PCDH7: variants seen among roughly 807,000 people sequenced by gnomAD.
PCDH7 encodes protocadherin-7.
In PCDH7, 17 loss-of-function variants were observed where a neutral mutation model predicts 58.9. That is an observed-to-expected ratio of 0.29 (90% CI 0.20 to 0.43). PCDH7 has a LOEUF of 0.43. Ranked by LOEUF, PCDH7 falls within the 20% of genes least tolerant of loss-of-function variation. The pLI is 1.00. For missense variants in PCDH7, 1,274 were observed against 1,441.0 expected, an observed-to-expected ratio of 0.88 and a Z score of 1.88; for synonymous variants, 664 against 616.4, an observed-to-expected ratio of 1.08 and a Z score of -1.14.
rs1020354865 is a variant in PCDH7, at chr4:30,947,380, A to G, written c.288-2740A>G. ...CATCTACTACTTATTTTTATAAATC[A>G]TAGGGATCATTTTCCCTTTGTTATT... On this transcript the variant is annotated intron_variant, in intron 2 of 3. Coordinates refer to the PCDH7 transcript ENST00000509759. 3.3e-5 allele frequency among the ~76,000 whole-genome samples: 5 copies of G among 152,264 alleles called. No homozygotes were observed. In the South Asian group the frequency reaches 6.2e-4, roughly 19 times the overall value.
intron 3 of PCDH7, among the ~76,000 whole-genome samples, chr4:31,128,090 T>C (rs539234046): frequency 7.6e-5 from 11 of 145,578 alleles, no homozygotes; most frequent in African/African-American, 1.9e-4. Context: ...TATATGCATA[T>C]ATATGTATAT....
At chr4:30,758,380 AC>A (rs1303092302) in intron 1 of PCDH7, among the ~76,000 whole-genome samples, 2 of 152,142 alleles carry the variant, frequency 1.3e-5, no homozygotes, top group Non-Finnish European at 2.9e-5. Context: ...GCATGGTTTT[AC>A]CCTAAGTGTC....
At chr4:30,820,984 T>G (rs1396130094) in intron 1 of PCDH7, among the ~76,000 whole-genome samples, 4 of 152,202 alleles carry the variant, frequency 2.6e-5, no homozygotes, top group African/African-American at 9.6e-5. Flanking sequence ...CACTAATGGC[T>G]TAAATATTGA....
chr4:30,914,270 T>C (rs548763071), intron 1 of PCDH7, among the ~76,000 whole-genome samples: 28 of 152,336 alleles, frequency 1.8e-4, no homozygotes, highest in African/African-American at 6.7e-4. Context: ...GTACGTACAA[T>C]GCTGCAGGAA....
intron 3 of PCDH7, among the ~76,000 whole-genome samples, chr4:31,056,559 G>C (rs1016341790): frequency 1.4e-5 from 2 of 148,034 alleles, no homozygotes; most frequent in African/African-American, 5.0e-5. Context: ...AGAGAGAGAG[G>C]AAGGGAAGGG....
chr4:31,121,186 T>A (rs1432180590), intron 3 of PCDH7, among the ~76,000 whole-genome samples: 1 of 152,190 alleles, frequency 6.6e-6, no homozygotes, highest in Non-Finnish European at 1.5e-5. Flanking sequence ...CATTTTTACA[T>A]CCAGGTGCTG....
chr4:30,816,819 A>G (rs1727737582), intron 1 of PCDH7, among the ~76,000 whole-genome samples: 1 of 152,158 alleles, frequency 6.6e-6, no homozygotes, highest in Non-Finnish European at 1.5e-5. Flanking sequence ...TGGGATATTT[A>G]TCAGAAAGAA....
At chr4:30,885,334 C>T (rs1188173664) in intron 1 of PCDH7, among the ~76,000 whole-genome samples, 1 of 152,098 alleles carries the variant, frequency 6.6e-6, no homozygotes, top group African/African-American at 2.4e-5. Context: ...TCAGAAGAGT[C>T]TCTGAAACTG....
chr4:30,872,161 T>C (rs1185441683), intron 1 of PCDH7, among the ~76,000 whole-genome samples: 1 of 152,094 alleles, frequency 6.6e-6, no homozygotes, highest in Non-Finnish European at 1.5e-5. Flanking sequence ...GTTTTTTAAG[T>C]TCCTTACCAA....
intron 1 of PCDH7, among the ~76,000 whole-genome samples, chr4:30,730,346 G>A (rs992096669): frequency 3.3e-5 from 5 of 151,536 alleles, no homozygotes; most frequent in African/African-American, 7.3e-5. Flanking sequence ...ACTCTTTTGC[G>A]GTACATTACA....
intron 1 of PCDH7, among the ~76,000 whole-genome samples, chr4:30,910,668 G>T (rs982378720): frequency 6.6e-6 from 1 of 152,148 alleles, no homozygotes; most frequent in African/African-American, 2.4e-5. Context: ...ACAGATGCTG[G>T]AGAGGATGTG....
At chr4:30,876,521 G>T (rs1366636157) in intron 1 of PCDH7, among the ~76,000 whole-genome samples, 1 of 151,948 alleles carries the variant, frequency 6.6e-6, no homozygotes, top group East Asian at 1.9e-4. Flanking sequence ...CATTTGGAAG[G>T]ATACTTTGTT....
At chr4:30,856,277 T>C (rs1733445242) in intron 1 of PCDH7, among the ~76,000 whole-genome samples, 1 of 152,066 alleles carries the variant, frequency 6.6e-6, no homozygotes, top group Admixed American at 6.6e-5. Flanking sequence ...TCCTTTGGAG[T>C]ATTTACATTT....
intron 1 of PCDH7, among the ~76,000 whole-genome samples, chr4:30,916,471 A>T (rs1009315299): frequency 1.3e-5 from 2 of 152,216 alleles, no homozygotes; most frequent in Non-Finnish European, 2.9e-5. Flanking sequence ...TCTGTCTTGC[A>T]GTACTTATTC....
At chr4:30,734,422 T>C (rs115865172), downstream of PCDH7, among the ~76,000 whole-genome samples, 1,919 of 152,134 alleles carry the variant, frequency 0.013, 33 homozygotes, top group African/African-American at 0.044. Context: ...TTAGTAGAAA[T>C]GCAGTTTCAC....
intron 2 of PCDH7, among the ~76,000 whole-genome samples, chr4:30,939,164 A>G (rs1446156119): frequency 5.3e-5 from 8 of 152,144 alleles, no homozygotes; most frequent in Non-Finnish European, 1.0e-4. Context: ...AACAGGTCTC[A>G]ACAAGAAACC....
intron 2 of PCDH7, among the ~76,000 whole-genome samples, chr4:30,923,997 A>C: frequency 6.6e-6 from 1 of 152,208 alleles, no homozygotes; most frequent in East Asian, 1.9e-4. Context: ...CATTAGGCTT[A>C]AAAGCACCAT....
chr4:30,763,661 T>C lies in PCDH7; in HGVS notation c.70+39065T>C, dbSNP rs1430043587. On this transcript the variant is annotated intron_variant, in intron 1 of 3. Coordinates refer to the PCDH7 transcript ENST00000509759. ...GGGATTTCAGGATCCGTTTTGTTTT[T>C]GATCTCAGTATTTCTCAAATCCCTT... 2.6e-5 allele frequency among the ~76,000 whole-genome samples: 4 copies of C among 152,340 alleles called. No individual in the cohort carries two copies. In the East Asian group the frequency reaches 7.7e-4, roughly 29 times the overall value.
intron 1 of PCDH7, among the ~76,000 whole-genome samples, chr4:30,824,662 A>G (rs1035966487): frequency 1.3e-5 from 2 of 152,082 alleles, no homozygotes; most frequent in Admixed American, 6.6e-5. Flanking sequence ...GAAACAATAC[A>G]GGCCCGGTTT....
Sources: gnomAD v4.1 joint callset for allele counts (sites outside exome capture counted in the v4.1 genomes callset) on GRCh38, gnomAD v4.1.1 for gene constraint, MANE v1.5 for transcripts, NCBI Gene and HGNC (gene_info 2026-07-23, HGNC 2026-07-21) for gene names.